Variants in TAB2 observed in about 807,000 individuals in gnomAD.
The protein encoded by TAB2 is TGF-beta activated kinase 1 (MAP3K7) binding protein 2.
Under a neutral mutation model 65.0 loss-of-function variants are expected in TAB2, and 3 were observed. The ratio of observed to expected loss-of-function variants is 0.05; its 90% CI spans 0.02 to 0.12. TAB2 has a LOEUF of 0.12. Ranked by LOEUF, TAB2 falls within the 10% of genes least tolerant of loss-of-function variation. The pLI is 1.00. For synonymous variants in TAB2, 298 were observed against 285.1 expected (o/e 1.05, Z -0.46); for missense variants, 623 against 840.3 (o/e 0.74, Z 3.20).
chr6:149,288,909 G>A (rs541734680), intron 1 of TAB2, among the ~76,000 whole-genome samples: 26 of 144,248 alleles, frequency 1.8e-4, no homozygotes, highest in Non-Finnish European at 3.4e-4. Flanking sequence ...CCAGGCTGGA[G>A]TACAGTGGTG....
intron 1 of TAB2, among the ~76,000 whole-genome samples, chr6:149,310,409 AG>A (rs1779147752): frequency 6.6e-6 from 1 of 152,066 alleles, no homozygotes; most frequent in South Asian, 2.1e-4. Flanking sequence ...TTTCTATTCA[AG>A]TATATGTTAT....
At chr6:149,299,146 T>C (rs1433231543) in intron 1 of TAB2, among the ~76,000 whole-genome samples, 1 of 152,244 alleles carries the variant, frequency 6.6e-6, no homozygotes, top group Non-Finnish European at 1.5e-5. Context: ...AAAAACTGTG[T>C]TAAGAATCTG....
chr6:149,378,247 A>C lies in TAB2; in HGVS notation c.332A>C (p.Gln111Pro). The C allele has an allele frequency of 6.2e-7, 1 of 1,614,232 alleles. No homozygotes were observed. Among genetic ancestry groups the C allele is most frequent in the Non-Finnish European group, 8.5e-7 (1 of 1,180,036 alleles). Residue 111 changes from glutamine (Q) to proline (P), a missense_variant, in exon 3 of 7, where the codon CAA (glutamine) becomes CCA (proline). Gln to Pro is a moderately conservative substitution (Grantham distance 76, BLOSUM62 -1). Coordinates refer to ENST00000637181, the MANE Select transcript of TAB2 (RefSeq NM_001292034.3). The part of the protein sequence containing the change: ...RTLTHSISDG[Q>P]LQGGQSNSEL... ...CTAACGCACAGCATTAGTGATGGAC[A>C]ACTTCAAGGTGGCCAGTCCAATAGT...
At chr6:149,389,996 A>G (rs567777603) in intron 3 of TAB2, among the ~76,000 whole-genome samples, 15 of 152,360 alleles carry the variant, frequency 9.8e-5, no homozygotes, top group African/African-American at 2.4e-4. Flanking sequence ...TATGGGCCCA[A>G]TTGCAGCACT....
intron 1 of TAB2, among the ~76,000 whole-genome samples, chr6:149,368,874 C>T (rs891138522): frequency 3.9e-5 from 6 of 152,046 alleles, no homozygotes; most frequent in Non-Finnish European, 8.8e-5. Context: ...CTGAGGAGTT[C>T]TATAAATCTA....
At chr6:149,309,403 CTT>C (rs565648269) in intron 1 of TAB2, among the ~76,000 whole-genome samples, 24 of 141,040 alleles carry the variant, frequency 1.7e-4, no homozygotes, top group Admixed American at 2.1e-4. Context: ...AATAATTCCT[CTT>C]TTTTTTTTTT....
chr6:149,363,608 G>T (rs770829656), intron 1 of TAB2, among the ~76,000 whole-genome samples: 10 of 151,882 alleles, frequency 6.6e-5, no homozygotes, highest in Non-Finnish European at 1.0e-4. Context: ...GTTTTTTTGA[G>T]GATAGAATGT....
intron 3 of TAB2, among the ~76,000 whole-genome samples, chr6:149,393,188 C>T (rs369727561): frequency 4.7e-4 from 71 of 152,206 alleles, no homozygotes; most frequent in African/African-American, 1.6e-3. Flanking sequence ...AACAGCCATA[C>T]CTAGACAAGT....
At chr6:149,379,943 G>A (rs1562444001) in intron 3 of TAB2, 1 of 455,062 alleles carries the variant, frequency 2.2e-6, no homozygotes, top group South Asian at 1.6e-5. Flanking sequence ...GATATTTGAA[G>A]AATAAGTAAT....
intron 1 of TAB2, among the ~76,000 whole-genome samples, chr6:149,350,175 A>G (rs1418125870): frequency 1.3e-5 from 2 of 151,966 alleles, no homozygotes; most frequent in Admixed American, 1.3e-4. Flanking sequence ...CAGGTGACCC[A>G]CCCACCTCAG....
chr6:149,362,310 C>T (rs776376670), intron 1 of TAB2, among the ~76,000 whole-genome samples: 1 of 152,214 alleles, frequency 6.6e-6, no homozygotes, highest in Non-Finnish European at 1.5e-5. Flanking sequence ...TGGGCATCTG[C>T]TTCGCTTCTG....
chr6:149,275,286 A>AAGAT lies in TAB2; in HGVS notation c.-121+56513_-121+56514insTAGA, dbSNP rs1325836203. On this transcript the variant is annotated intron_variant, in intron 1 of 1. Coordinates refer to the TAB2 transcript ENST00000606202. ...AAAGAAAGAAAGAAAGAAAGAAAGA[A>AAGAT]AGAAAGAAAGAAAGAGAAAAAAGAA... 4.8e-4 allele frequency among the ~76,000 whole-genome samples: 71 copies of AAGAT among 146,738 alleles called. 1 individual carries two copies. Among genetic ancestry groups the AAGAT allele is most frequent in the African/African-American group, 1.6e-3 (64 of 40,058 alleles).
At chr6:149,337,157 G>A (rs941590153) in intron 1 of TAB2, among the ~76,000 whole-genome samples, 1 of 151,924 alleles carries the variant, frequency 6.6e-6, no homozygotes, top group African/African-American at 2.4e-5. Flanking sequence ...AGATTTTATT[G>A]TATTATTACT....
chr6:149,231,035 C>T (rs774550674), intron 1 of TAB2, among the ~76,000 whole-genome samples: 21 of 152,156 alleles, frequency 1.4e-4, no homozygotes, highest in Non-Finnish European at 5.9e-5. Context: ...TCCCAATGGG[C>T]GCTCTCAGAA....
At chr6:149,381,282 C>G (rs1222826791) in intron 3 of TAB2, among the ~76,000 whole-genome samples, 1 of 152,128 alleles carries the variant, frequency 6.6e-6, no homozygotes, top group African/African-American at 2.4e-5. Flanking sequence ...TTAGTTTCAG[C>G]AGTTTATAAA....
chr6:149,344,373 G>A (rs905986599), intron 1 of TAB2, among the ~76,000 whole-genome samples: 1 of 152,176 alleles, frequency 6.6e-6, no homozygotes, highest in East Asian at 1.9e-4. Context: ...TCGTAATAGA[G>A]ATGCATACAA....
intron 1 of TAB2, among the ~76,000 whole-genome samples, chr6:149,230,570 A>C (rs139354946): frequency 7.9e-5 from 12 of 152,374 alleles, no homozygotes; most frequent in African/African-American, 2.9e-4. Flanking sequence ...TAGAGTGTAA[A>C]AATAAATGTA....
chr6:149,270,756 G>A (rs1472434127), intron 1 of TAB2, among the ~76,000 whole-genome samples: 1 of 152,116 alleles, frequency 6.6e-6, no homozygotes, highest in Non-Finnish European at 1.5e-5. Flanking sequence ...CAGAGCTTGG[G>A]GCAAGCCTCT....
intron 6 of TAB2, among the ~76,000 whole-genome samples, chr6:149,403,516 G>A (rs759248380): frequency 2.0e-5 from 3 of 151,296 alleles, no homozygotes; most frequent in African/African-American, 7.3e-5. Context: ...TATTTTCAAC[G>A]TAGTACAGGA....
Sources: allele counts gnomAD v4.1 joint callset (sites outside exome capture counted in the v4.1 genomes callset), GRCh38; gene constraint gnomAD v4.1.1; transcripts MANE v1.5; gene names NCBI Gene and HGNC (gene_info 2026-07-23, HGNC 2026-07-21).